The following FGD4 variants were observed in gnomAD, a reference collection of about 807,000 sequenced individuals.
The protein encoded by FGD4 is FYVE, RhoGEF and PH domain containing 4, also known as FYVE, RhoGEF and PH domain-containing protein 4.
FGD4 carries 42 observed loss-of-function variants against 102.0 expected under a neutral mutation model. The observed-to-expected ratio is 0.41, with a 90% CI of 0.32 to 0.53. FGD4 has a LOEUF of 0.53. FGD4 is among the 20% of genes least tolerant of loss of function. The pLI is 0.21. For missense variants in FGD4, 902 were observed against 1,078.2 expected (o/e 0.84, Z 2.29); for synonymous variants, 380 against 375.7 (o/e 1.01, Z -0.13).
chr12:32,579,904 T>C (rs1946468580), intron 3 of FGD4, among the ~76,000 whole-genome samples: 1 of 152,166 alleles, frequency 6.6e-6, no homozygotes, highest in African/African-American at 2.4e-5. Context: ...CCCTGTTTCA[T>C]TCTCCAGTCC....
At chr12:32,499,634 C>A (rs1938040334) in intron 1 of FGD4, among the ~76,000 whole-genome samples, 1 of 152,148 alleles carries the variant, frequency 6.6e-6, no homozygotes. Flanking sequence ...AATTTGGAAA[C>A]TGGAGAAAGA....
intron 1 of FGD4, among the ~76,000 whole-genome samples, chr12:32,546,767 T>G (rs1454988426): frequency 6.6e-6 from 1 of 152,130 alleles, no homozygotes; most frequent in East Asian, 1.9e-4. Flanking sequence ...AGCCTCGATT[T>G]GAGAAGCAAA....
chr12:32,551,964 T>C (rs1476257460), intron 1 of FGD4, among the ~76,000 whole-genome samples: 6 of 152,212 alleles, frequency 3.9e-5, no homozygotes, highest in African/African-American at 1.4e-4. Context: ...CGAGGTGTTT[T>C]AATAAATCTG....
chr12:32,433,472 C>T (rs887744302), intron 1 of FGD4, among the ~76,000 whole-genome samples: 6 of 152,024 alleles, frequency 3.9e-5, no homozygotes, highest in African/African-American at 9.7e-5. Context: ...CCTCAGCCTC[C>T]CGAGTAGCTG....
At chr12:32,446,579 ATCAGGGAAAGGTCAGT>A in intron 1 of FGD4, among the ~76,000 whole-genome samples, 1 of 152,262 alleles carries the variant, frequency 6.6e-6, no homozygotes, top group Admixed American at 6.5e-5. Flanking sequence ...TAAGACCTAC[ATCAGGGAAAGGTCAGT>A]TAGGTTTTAT....
chr12:32,602,135 G>T, intron 6 of FGD4, 26 bp from the exon 7 acceptor site: 1 of 1,612,042 alleles, frequency 6.2e-7, no homozygotes, highest in Non-Finnish European at 8.5e-7. Flanking sequence ...TTTTTTTAAA[G>T]ACTTGTTTTT....
intron 1 of FGD4, among the ~76,000 whole-genome samples, chr12:32,478,041 A>G (rs991209379): frequency 6.6e-6 from 1 of 152,088 alleles, no homozygotes; most frequent in Non-Finnish European, 1.5e-5. Flanking sequence ...TTCTGTTTAG[A>G]AAAAAAATAT....
chr12:32,516,601 A>G (rs190774127), intron 1 of FGD4, among the ~76,000 whole-genome samples: 8 of 152,370 alleles, frequency 5.3e-5, no homozygotes, highest in African/African-American at 1.9e-4. Context: ...ATTGATGCAT[A>G]TGTAAACTGT....
chr12:32,510,589 A>G (rs1939259936), intron 1 of FGD4, among the ~76,000 whole-genome samples: 1 of 152,208 alleles, frequency 6.6e-6, no homozygotes, highest in Non-Finnish European at 1.5e-5. Context: ...AGTAGGGACG[A>G]TAAACCTGTT....
chr12:32,640,598 T>C lies in FGD4; in HGVS notation c.*65T>C. 1 of 1,608,286 alleles carries C rather than the reference T, an allele frequency of 6.2e-7. No homozygotes were observed. The highest frequency in any genetic ancestry group is 8.5e-7 in the Non-Finnish European group (1 of 1,177,052). On this transcript the variant is annotated 3_prime_UTR_variant, in exon 17 of 17. Coordinates refer to ENST00000534526, the MANE Select transcript of FGD4 (RefSeq NM_001370298.3). ...TTACAGCTCAAGACATTCCCAGCTCTTCTTACACATCTGCTAGCACTTTAT... is the reference window on the plus strand; with the variant it reads ...TTACAGCTCAAGACATTCCCAGCTCCTCTTACACATCTGCTAGCACTTTAT...
At chr12:32,562,620 G>A (rs878983446) in intron 1 of FGD4, among the ~76,000 whole-genome samples, 1 of 152,102 alleles carries the variant, frequency 6.6e-6, no homozygotes, top group African/African-American at 2.4e-5. Context: ...GATTCTTAAC[G>A]AGCATGCTGC....
chr12:32,494,347 C>T (rs577725920), intron 1 of FGD4, among the ~76,000 whole-genome samples: 3 of 152,248 alleles, frequency 2.0e-5, no homozygotes, highest in African/African-American at 7.2e-5. Context: ...GTTAAAATAC[C>T]TACACAGCTG....
chr12:32,521,404 A>G (rs1940544962), intron 1 of FGD4, among the ~76,000 whole-genome samples: 1 of 151,714 alleles, frequency 6.6e-6, no homozygotes, highest in Non-Finnish European at 1.5e-5. Flanking sequence ...CATTGCATGA[A>G]TATTTAATTA....
At chr12:32,493,348 T>C (rs1164375137) in intron 1 of FGD4, among the ~76,000 whole-genome samples, 1 of 152,258 alleles carries the variant, frequency 6.6e-6, no homozygotes, top group Non-Finnish European at 1.5e-5. Context: ...AGGGTCCTCA[T>C]TGTTTCCCAG....
intron 1 of FGD4, among the ~76,000 whole-genome samples, chr12:32,526,311 C>T (rs1275516921): frequency 6.6e-6 from 1 of 151,862 alleles, no homozygotes; most frequent in East Asian, 1.9e-4. Context: ...GTAAATACAC[C>T]AATCGGCACT....
chr12:32,611,391 G>C (rs1199052081), intron 10 of FGD4, 108 bp downstream of exon 10: 1 of 1,316,964 alleles, frequency 7.6e-7, no homozygotes, highest in African/African-American at 1.5e-5. Context: ...CGAGGCGAGT[G>C]GATCTCCTGA....
intron 2 of FGD4, among the ~76,000 whole-genome samples, chr12:32,574,510 G>T (rs1038593106): frequency 1.3e-5 from 2 of 151,840 alleles, no homozygotes; most frequent in African/African-American, 4.8e-5. Context: ...ACTTATATAA[G>T]CCCCATTGTT....
chr12:32,537,490 T>C (rs747408476), intron 1 of FGD4, among the ~76,000 whole-genome samples: 1 of 152,200 alleles, frequency 6.6e-6, no homozygotes, highest in African/African-American at 2.4e-5. Context: ...GCCACTTCTC[T>C]GCTCGCAGTC....
At chr12:32,493,336 G>A (rs1256258246) in intron 1 of FGD4, among the ~76,000 whole-genome samples, 2 of 152,182 alleles carry the variant, frequency 1.3e-5, no homozygotes, top group African/African-American at 2.4e-5. Context: ...AGTGACCTCT[G>A]CAGGGTCCTC....
Sources: gnomAD v4.1 joint callset for allele counts (sites outside exome capture counted in the v4.1 genomes callset) on GRCh38, gnomAD v4.1.1 for gene constraint, MANE v1.5 for transcripts, NCBI Gene and HGNC (gene_info 2026-07-23, HGNC 2026-07-21) for gene names.